Variants in CMC1 observed in about 807,000 individuals in gnomAD.
CMC1 encodes the protein C-X9-C motif containing 1.
In CMC1, 14 loss-of-function variants were observed where a neutral mutation model predicts 14.1. The ratio of observed to expected loss-of-function variants is 0.99; its 90% CI spans 0.66 to 1.55. CMC1 has a LOEUF of 1.55. CMC1 is among the 40% of genes most tolerant of loss of function. The pLI, the probability that CMC1 is intolerant of heterozygous loss-of-function variation, is 0.00. For synonymous variants in CMC1, 50 were observed against 38.4 expected, an observed-to-expected ratio of 1.30 and a Z score of -1.12; for missense variants, 127 against 123.8, an observed-to-expected ratio of 1.03 and a Z score of -0.12.
chr3:28,285,093 T>C (rs1378820239), intron 2 of CMC1, among the ~76,000 whole-genome samples: 1 of 152,230 alleles, frequency 6.6e-6, no homozygotes, highest in East Asian at 1.9e-4. Flanking sequence ...TTGAGATTCC[T>C]AAGTACTTAG....
rs1703130863 is a variant in CMC1 at position 28,319,866 on chromosome 3, A to G, written c.*237A>G. 3.0e-6 allele frequency: 1 copy of G among 329,230 alleles called. No individual in the cohort carries two copies. Among genetic ancestry groups the G allele is most frequent in the East Asian group, 5.9e-5 (1 of 16,820 alleles). The allele number at this position is 329,230 out of a possible 1,614,324, so 20.4% of individuals were successfully genotyped here. ...ACCTTTTGAAAGTTTTCCCACAACT[A>G]TAGTTCTATAACAGTGATACTGATT... On this transcript the variant is annotated 3_prime_UTR_variant, in exon 4 of 4. Coordinates refer to ENST00000466830, the MANE Select transcript of CMC1 (RefSeq NM_182523.2).
chr3:28,251,594 A>G (rs1318841991), intron 1 of CMC1, among the ~76,000 whole-genome samples: 1 of 152,348 alleles, frequency 6.6e-6, no homozygotes. Flanking sequence ...CTCTGAAGCC[A>G]TACCAAGAAA....
At chr3:28,295,896 A>G (rs975982818) in intron 2 of CMC1, among the ~76,000 whole-genome samples, 1 of 151,696 alleles carries the variant, frequency 6.6e-6, no homozygotes, top group Non-Finnish European at 1.5e-5. Flanking sequence ...GGGGGGAAAA[A>G]CCCATGTATA....
chr3:28,299,691 A>T, intron 2 of CMC1, among the ~76,000 whole-genome samples: 1 of 152,122 alleles, frequency 6.6e-6, no homozygotes, highest in East Asian at 1.9e-4. Context: ...TTTTAAAACC[A>T]AGTGATTAAA....
intron 2 of CMC1, among the ~76,000 whole-genome samples, chr3:28,313,412 A>T (rs1702739179): frequency 6.6e-6 from 1 of 152,192 alleles, no homozygotes; most frequent in Non-Finnish European, 1.5e-5. Flanking sequence ...TTTAATAGTA[A>T]TTAAAATTAT....
In CMC1 at chr3:28,325,023, A is replaced by G. The variant is rs1703332301; in HGVS notation, c.*5394A>G. On this transcript the variant is annotated 3_prime_UTR_variant, in exon 4 of 4. Transcript: ENST00000466830. ...ACCCAAATGAAGTTTTTATATATCAAAGGCTTTTATGGATAAAGCAGTTTA... is the reference window on the plus strand; with the variant it reads ...ACCCAAATGAAGTTTTTATATATCAGAGGCTTTTATGGATAAAGCAGTTTA... 6.6e-6 allele frequency: 1 copy of G among 150,764 alleles called. No individual in the cohort carries two copies. The highest frequency in any genetic ancestry group is 2.4e-5 in the African/African-American group (1 of 41,220). The allele number at this position is 150,764 out of a possible 1,614,324, so 9.3% of individuals were successfully genotyped here.
chr3:28,283,556 A>AC (rs1276466058), intron 2 of CMC1, among the ~76,000 whole-genome samples: 28 of 149,158 alleles, frequency 1.9e-4, no homozygotes, highest in Non-Finnish European at 2.7e-4. Flanking sequence ...AAAAACAAAA[A>AC]AAAAAAAAAA....
intron 1 of CMC1, 189 bp from the exon 2 acceptor site, chr3:28,263,099 TTTG>T (rs1464968541): frequency 2.9e-5 from 15 of 511,940 alleles, no homozygotes; most frequent in African/African-American, 4.1e-5. Context: ...TCCTCACATT[TTTG>T]TTGTTGTATA....
chr3:28,304,386 T>C (rs950284733), intron 2 of CMC1, among the ~76,000 whole-genome samples: 1 of 152,048 alleles, frequency 6.6e-6, no homozygotes, highest in Non-Finnish European at 1.5e-5. Context: ...AACCTGTGAA[T>C]ATGGATATAA....
At chr3:28,258,373 T>G (rs750386662) in intron 1 of CMC1, among the ~76,000 whole-genome samples, 1 of 151,668 alleles carries the variant, frequency 6.6e-6, no homozygotes, top group Admixed American at 6.6e-5. Flanking sequence ...AACTGTCTAC[T>G]CCAAGGAATT....
At chr3:28,262,416 T>G (rs985009711) in intron 1 of CMC1, among the ~76,000 whole-genome samples, 2 of 152,116 alleles carry the variant, frequency 1.3e-5, no homozygotes, top group Non-Finnish European at 2.9e-5. Flanking sequence ...CTATATATAC[T>G]TTTTTCACCC....
intron 2 of CMC1, among the ~76,000 whole-genome samples, chr3:28,299,461 A>C (rs1248157603): frequency 6.6e-6 from 1 of 152,114 alleles, no homozygotes; most frequent in Non-Finnish European, 1.5e-5. Context: ...TGTTAGAATT[A>C]TCAAATAGCT....
chr3:28,307,585 A>C (rs1702393408), intron 2 of CMC1, among the ~76,000 whole-genome samples: 1 of 152,254 alleles, frequency 6.6e-6, no homozygotes, highest in African/African-American at 2.4e-5. Flanking sequence ...GAAGACTTAT[A>C]GTCAATATGA....
intron 2 of CMC1, among the ~76,000 whole-genome samples, chr3:28,299,165 T>A (rs1355840261): frequency 6.6e-6 from 1 of 152,148 alleles, no homozygotes; most frequent in Non-Finnish European, 1.5e-5. Flanking sequence ...TGCCACATAT[T>A]GGTGCTCAAA....
chr3:28,268,650 C>G (rs182041017), intron 2 of CMC1, among the ~76,000 whole-genome samples: 9 of 152,298 alleles, frequency 5.9e-5, no homozygotes, highest in African/African-American at 1.4e-4. Context: ...TCCGATGCCA[C>G]CTAAGGGCCA....
At chr3:28,280,653 T>A (rs956135273) in intron 2 of CMC1, among the ~76,000 whole-genome samples, 2 of 152,176 alleles carry the variant, frequency 1.3e-5, no homozygotes, top group Non-Finnish European at 2.9e-5. Context: ...TGATAAGAGA[T>A]GTACAATAAA....
chr3:28,303,787 T>C (rs1702174699), intron 2 of CMC1, among the ~76,000 whole-genome samples: 1 of 152,144 alleles, frequency 6.6e-6, no homozygotes, highest in Admixed American at 6.6e-5. Flanking sequence ...TTCATTTATA[T>C]ACAAATGCAC....
chr3:28,269,953 G>A (rs1386685165), intron 2 of CMC1, among the ~76,000 whole-genome samples: 1 of 152,144 alleles, frequency 6.6e-6, no homozygotes, highest in Non-Finnish European at 1.5e-5. Flanking sequence ...ACCCCAGTGA[G>A]TGTTGTTCCC....
At position 28,321,535 on chromosome 3, in the gene CMC1, A is replaced by T. The variant is rs1207563008; in HGVS notation, c.*1906A>T. On this transcript the variant is annotated 3_prime_UTR_variant, in exon 4 of 4. Coordinates refer to ENST00000466830, the MANE Select transcript of CMC1 (RefSeq NM_182523.2). ...ATACTGAAGATTTTTTTCACCTGGT[A>T]CATCTGTCTCAGTTGTGTCTTGCTT... The T allele has an allele frequency of 1.3e-5, 2 of 151,348 alleles. No individual in the cohort carries two copies. The highest frequency in any genetic ancestry group is 3.0e-5 in the Non-Finnish European group (2 of 67,556). The allele number at this position is 151,348 out of a possible 1,614,324, so 9.4% of individuals were successfully genotyped here.
Sources: gnomAD v4.1 joint callset for allele counts (sites outside exome capture counted in the v4.1 genomes callset) on GRCh38, gnomAD v4.1.1 for gene constraint, MANE v1.5 for transcripts, NCBI Gene and HGNC (gene_info 2026-07-23, HGNC 2026-07-21) for gene names.